COL4A3: variants seen among roughly 807,000 people sequenced by gnomAD.
COL4A3 encodes collagen alpha-3(IV) chain.
COL4A3 carries 135 observed loss-of-function variants against 217.4 expected under a neutral mutation model. That is an observed-to-expected ratio of 0.62 (90% CI 0.54 to 0.72). The LOEUF (loss-of-function observed/expected upper bound fraction) is 0.72, where lower values mean the gene tolerates loss of function less well. Ranked by LOEUF, COL4A3 falls within the 30% of genes least tolerant of loss-of-function variation. The pLI is 0.00. For missense variants in COL4A3, 1,868 were observed against 2,119.9 expected, an observed-to-expected ratio of 0.88 and a Z score of 2.33; for synonymous variants, 690 against 736.3, an observed-to-expected ratio of 0.94 and a Z score of 1.02.
intron 11 of COL4A3, among the ~76,000 whole-genome samples, chr2:227,251,708 T>C (rs78523331): frequency 0.014 from 2,080 of 152,304 alleles, 43 homozygotes; most frequent in African/African-American, 0.047. Flanking sequence ...AAAGCCAACC[T>C]GGTCTTATGC....
Position 227,279,443 on chromosome 2 carries a change from A to G in COL4A3, c.2126-350A>G, listed in dbSNP as rs544368327. 4 of 205,762 alleles carry G rather than the reference A, an allele frequency of 1.9e-5. No homozygotes were observed. The South Asian group carries it at 3.4e-4, about 18-fold the overall frequency. The allele number at this position is 205,762 out of a possible 1,614,324, so 12.7% of individuals were successfully genotyped here. ...AAAGCTTTGTATCTTAATCTAGGTC[A>G]TGCTTACATGAATATATCCATATAT... On this transcript the variant is annotated intron_variant, in intron 28 of 51. Coordinates refer to ENST00000396578, the MANE Select transcript of COL4A3 (RefSeq NM_000091.5).
chr2:227,240,053 C>A, intron 2 of COL4A3, 90 bp from the exon 3 acceptor site: 2 of 1,123,782 alleles, frequency 1.8e-6, no homozygotes, highest in South Asian at 2.6e-5. Context: ...ACCATGAAGT[C>A]ATAAACAAGA....
Position 227,185,004 on chromosome 2 carries a change from C to G in COL4A3, c.87+20191C>G, listed in dbSNP as rs929687938. On this transcript the variant is annotated intron_variant, in intron 1 of 51. Coordinates refer to ENST00000396578, the MANE Select transcript of COL4A3 (RefSeq NM_000091.5). ...GCAAGCTCCGCCTCCCAGGTTCATGCCATTCTCCTGTCTCAGCCTCCCGAA... is the reference window on the plus strand; with the variant it reads ...GCAAGCTCCGCCTCCCAGGTTCATGGCATTCTCCTGTCTCAGCCTCCCGAA... Among the ~76,000 whole-genome samples, 3 of 148,302 alleles carry G rather than the reference C, an allele frequency of 2.0e-5. No homozygotes were observed. In the Admixed American group the frequency reaches 2.1e-4, roughly 10 times the overall value.
chr2:227,256,412 A>G lies in COL4A3; in HGVS notation c.987+16A>G, dbSNP rs2070178441. 1 of 1,609,010 alleles carries G rather than the reference A, an allele frequency of 6.2e-7. No homozygotes were observed. The highest frequency in any genetic ancestry group is 8.5e-7 in the Non-Finnish European group (1 of 1,175,388). On this transcript the variant is annotated intron_variant, in intron 17 of 51. Transcript: ENST00000396578. ...TGGCATTAAGGTAATCCTCTCCCTA[A>G]TAGCCTATTTTAATAGGTTGGGTTT... is the stretch of plus-strand genomic sequence containing the variant.
chr2:227,220,339 C>T (rs1404437920), intron 1 of COL4A3, among the ~76,000 whole-genome samples: 6 of 151,858 alleles, frequency 4.0e-5, no homozygotes, highest in East Asian at 1.9e-4. Context: ...CCCGCCACCA[C>T]GCCCAGCTAA....
At chr2:227,236,979 A>G (rs2068739477) in intron 1 of COL4A3, among the ~76,000 whole-genome samples, 1 of 152,164 alleles carries the variant, frequency 6.6e-6, no homozygotes, top group Non-Finnish European at 1.5e-5. Flanking sequence ...TTTTAAGTCT[A>G]TTATTTGAAA....
intron 1 of COL4A3, among the ~76,000 whole-genome samples, chr2:227,196,808 T>A (rs967697060): frequency 6.6e-6 from 1 of 152,222 alleles, no homozygotes; most frequent in African/African-American, 2.4e-5. Context: ...TCTATTTATG[T>A]GTTTGTTTCA....
chr2:227,280,356 G>T, intron 29 of COL4A3, 84 bp from the exon 30 acceptor site: 1 of 1,497,482 alleles, frequency 6.7e-7, no homozygotes, highest in Non-Finnish European at 9.3e-7. Context: ...GTGCAACAGG[G>T]ACTTAGAGCC....
chr2:227,232,838 G>T (rs969090417), intron 1 of COL4A3, among the ~76,000 whole-genome samples: 10 of 152,028 alleles, frequency 6.6e-5, no homozygotes, highest in African/African-American at 2.4e-4. Flanking sequence ...AAAGACATTT[G>T]TTTATGTAAA....
At chr2:227,186,883 T>A (rs950911639) in intron 1 of COL4A3, among the ~76,000 whole-genome samples, 13 of 151,524 alleles carry the variant, frequency 8.6e-5, no homozygotes. Flanking sequence ...GCAGATTTGG[T>A]GTCTGGTGAG....
chr2:227,283,772 G>A lies in COL4A3; in HGVS notation c.2662G>A (p.Asp888Asn), dbSNP rs376762135. ...GTGTTAATTTGTTTCCATAGGTGAA[G>A]ATGGAGTGATTGGGATGATGGGCTT... ...NPGILGPPGE[D>N]GVIGMMGFPG... The change falls in exon 33 of 52, where the codon GAT becomes AAT. Residue 888 changes from aspartate to asparagine, a missense_variant. Coordinates refer to ENST00000396578, the MANE Select transcript of COL4A3 (RefSeq NM_000091.5). 48 of 1,614,066 alleles carry A rather than the reference G, an allele frequency of 3.0e-5. No homozygotes were observed. The East Asian group carries it at 4.7e-4, about 16-fold the overall frequency.
At chr2:227,197,940 C>G (rs2066545207) in intron 1 of COL4A3, among the ~76,000 whole-genome samples, 1 of 152,220 alleles carries the variant, frequency 6.6e-6, no homozygotes, top group African/African-American at 2.4e-5. Flanking sequence ...CTGGCAGTCT[C>G]TCTCTAGAAC....
At chr2:227,185,910 C>T (rs1422750308) in intron 1 of COL4A3, among the ~76,000 whole-genome samples, 1 of 152,194 alleles carries the variant, frequency 6.6e-6, no homozygotes, top group African/African-American at 2.4e-5. Context: ...AACATTGCCT[C>T]AGACTGAGGA....
intron 40 of COL4A3, 96 bp from the exon 41 acceptor site, chr2:227,295,173 C>A: frequency 6.6e-7 from 1 of 1,507,594 alleles, no homozygotes; most frequent in Admixed American, 1.7e-5. Flanking sequence ...AACTGATTAT[C>A]TTTAACATGT....
intron 1 of COL4A3, chr2:227,222,377 C>G (rs879786135): frequency 3.3e-5 from 5 of 152,038 alleles, no homozygotes; most frequent in Non-Finnish European, 7.4e-5. Flanking sequence ...CAGGTCAACA[C>G]CCACCTGCAG....
rs1033892677 is a variant in COL4A3 at position 227,309,132 on chromosome 2, A to G, written c.4640+56A>G. On this transcript the variant is annotated intron_variant, in intron 49 of 51. Coordinates refer to ENST00000396578, the MANE Select transcript of COL4A3 (RefSeq NM_000091.5). ...GGACCAAGTGAATCACTTCCCTTGT[A>G]ATGGAATGAAAGGCAGCACATGACA... 17 of 1,611,070 alleles carry G rather than the reference A, an allele frequency of 1.1e-5. No homozygotes were observed. In the African/African-American group the frequency reaches 2.3e-4, roughly 22 times the overall value.
intron 34 of COL4A3, among the ~76,000 whole-genome samples, chr2:227,287,576 T>G (rs1276136656): frequency 6.6e-6 from 1 of 152,172 alleles, no homozygotes; most frequent in Non-Finnish European, 1.5e-5. Context: ...TAGATTGCAA[T>G]CAATGACATA....
chr2:227,197,888 G>A (rs1574538823), intron 1 of COL4A3, among the ~76,000 whole-genome samples: 1 of 152,216 alleles, frequency 6.6e-6, no homozygotes, highest in Non-Finnish European at 1.5e-5. Context: ...AATGTGTAAG[G>A]TGTGTCTCAA....
At chr2:227,245,768 T>C in intron 5 of COL4A3, 186 bp from the exon 6 acceptor site, 1 of 663,972 alleles carries the variant, frequency 1.5e-6, no homozygotes, top group East Asian at 2.7e-5. Context: ...TAAGTCTTCA[T>C]ATCAGTCAGC....
Sources: gnomAD v4.1 joint callset for allele counts (sites outside exome capture counted in the v4.1 genomes callset) on GRCh38, gnomAD v4.1.1 for gene constraint, MANE v1.5 for transcripts, NCBI Gene and HGNC (gene_info 2026-07-23, HGNC 2026-07-21) for gene names.